Variants in OSGIN1 observed in about 807,000 individuals in gnomAD.
The protein encoded by OSGIN1 is oxidative stress-induced growth inhibitor 1.
OSGIN1 carries 19 observed loss-of-function variants against 20.1 expected under a neutral mutation model. The ratio of observed to expected loss-of-function variants is 0.95; its 90% CI spans 0.66 to 1.39. OSGIN1 has a LOEUF of 1.39. OSGIN1 is among the 40% of genes most tolerant of loss of function. The pLI is 0.00. For missense variants in OSGIN1, 820 were observed against 653.0 expected, an observed-to-expected ratio of 1.26 and a Z score of -2.79; for synonymous variants, 368 against 297.8, an observed-to-expected ratio of 1.24 and a Z score of -2.43.
At chr16:83,965,034 C>T (rs780024907) in intron 5 of OSGIN1, 28 bp from the exon 6 acceptor site, 21 of 1,196,738 alleles carry the variant, frequency 1.8e-5, no homozygotes, top group Non-Finnish European at 2.5e-5. Flanking sequence ...CAGTGTCTGA[C>T]TCTGGCGTCC....
chr16:83,957,525 C>A (rs937400624), intron 1 of OSGIN1, 115 bp from the exon 2 acceptor site: 1 of 660,004 alleles, frequency 1.5e-6, no homozygotes, highest in Admixed American at 2.3e-5. Flanking sequence ...TCATGGGGAC[C>A]CCGGACCAGA....
chr16:83,960,990 G>C lies in OSGIN1; in HGVS notation c.406G>C (p.Gly136Arg). 3 of 1,613,354 alleles carry C rather than the reference G, an allele frequency of 1.9e-6. No individual in the cohort carries two copies. The highest frequency in any genetic ancestry group is 2.5e-6 in the Non-Finnish European group (3 of 1,179,732). The change falls in exon 5 of 6, where the codon GGC becomes CGC. Residue 136 changes from glycine (G) to arginine (R), a missense_variant. Coordinates refer to ENST00000393306, the MANE Select transcript of OSGIN1 (RefSeq NM_182981.3). ...LPGGAWHSIE[G>R]SMVILSQGQW... ...GTTCCTTTCCCTGCAGTCCATCGAA[G>C]GCTCCATGGTGATCCTGAGCCAAGG...
Position 83,959,360 on chromosome 16 carries a change from G to T in OSGIN1, c.168G>T (p.Lys56Asn). ...AIHPHPLLQR[K>N]LTEAPGVSIL... ...ACCCACACCCCCTGCTGCAGAGGAA[G>T]CTCACCGAGGCCCCGGGGGTCTCCA... The change falls in exon 3 of 6, where the codon AAG becomes AAT. Residue 56 changes from lysine (K) to asparagine (N), a missense_variant. Coordinates refer to ENST00000393306, the MANE Select transcript of OSGIN1 (RefSeq NM_182981.3). 1 of 1,613,856 alleles carries T rather than the reference G, an allele frequency of 6.2e-7. No homozygotes were observed.
At chr16:83,958,672 T>C (rs1310561057) in intron 2 of OSGIN1, among the ~76,000 whole-genome samples, 2 of 152,152 alleles carry the variant, frequency 1.3e-5, no homozygotes, top group Non-Finnish European at 2.9e-5. Flanking sequence ...GCCTGGTGAA[T>C]CGCCCAGGAA....
intron 2 of OSGIN1, among the ~76,000 whole-genome samples, chr16:83,958,181 C>T (rs140543329): frequency 1.6e-3 from 248 of 152,322 alleles, no homozygotes; most frequent in African/African-American, 5.7e-3. Context: ...CTGGCCCAGG[C>T]CTGGCCTCTT....
intron 1 of OSGIN1, among the ~76,000 whole-genome samples, chr16:83,955,731 T>C (rs1908894959): frequency 6.6e-6 from 1 of 152,130 alleles, no homozygotes; most frequent in African/African-American, 2.4e-5. Context: ...GGTGGCAGCG[T>C]CCCCCTGAAA....
chr16:83,958,329 C>T (rs773786551), intron 2 of OSGIN1, among the ~76,000 whole-genome samples: 2 of 152,180 alleles, frequency 1.3e-5, no homozygotes, highest in African/African-American at 2.4e-5. Flanking sequence ...GGAGGCGACC[C>T]GGCGTGGCGC....
At chr16:83,956,927 C>T (rs574474930) in intron 1 of OSGIN1, 1 of 152,404 alleles carries the variant, frequency 6.6e-6, no homozygotes, top group East Asian at 1.9e-4. Flanking sequence ...GGCCTGCGGC[C>T]AGCAGAGGGC....
chr16:83,962,409 T>C (rs1026887828), intron 5 of OSGIN1, among the ~76,000 whole-genome samples: 2 of 152,074 alleles, frequency 1.3e-5, no homozygotes, highest in African/African-American at 4.8e-5. Flanking sequence ...CGGCTAATTA[T>C]TTTTTGTATT....
intron 1 of OSGIN1, 27 bp downstream of exon 1, chr16:83,953,397 G>T (rs768355674): frequency 7.8e-7 from 1 of 1,288,234 alleles, no homozygotes; most frequent in Non-Finnish European, 1.0e-6. Flanking sequence ...AGGTTCCGGG[G>T]CAGGGAATCA....
At position 83,965,394 on chromosome 16, in the gene OSGIN1, C is replaced by A. The variant is rs750515212; in HGVS notation, c.821C>A (p.Ala274Asp). 6.4e-7 allele frequency: 1 copy of A among 1,574,768 alleles called. No individual in the cohort carries two copies. The highest frequency in any genetic ancestry group is 8.6e-7 in the Non-Finnish European group (1 of 1,163,380). The change falls in exon 6 of 6, where the codon GCC (alanine) becomes GAC (aspartate). Residue 274 changes from alanine to aspartate, a missense_variant. Coordinates refer to ENST00000393306, the MANE Select transcript of OSGIN1 (RefSeq NM_182981.3). ...FIHHELSALEAATRVGAVTPA... is the reference protein window; with the variant it reads ...FIHHELSALEDATRVGAVTPA... ...CACCATGAGCTGTCTGCCCTGGAGGCCGCCACAAGGGTGGGTGCGGTGACC... is the reference window on the plus strand; with the variant it reads ...CACCATGAGCTGTCTGCCCTGGAGGACGCCACAAGGGTGGGTGCGGTGACC...
At chr16:83,963,559 A>G (rs2084240852) in intron 5 of OSGIN1, among the ~76,000 whole-genome samples, 1 of 152,198 alleles carries the variant, frequency 6.6e-6, no homozygotes. Context: ...AACTCTGCAC[A>G]GAACATGCTC....
In OSGIN1 at chr16:83,965,489, C is replaced by T. The variant is rs761233616; in HGVS notation, c.916C>T (p.His306Tyr). The change falls in exon 6 of 6, where the codon CAC (histidine) becomes TAC (tyrosine). Residue 306 changes from histidine (H) to tyrosine (Y), a missense_variant. Coordinates refer to ENST00000393306, the MANE Select transcript of OSGIN1 (RefSeq NM_182981.3). ...SAADAVLYAR[H>Y]YNIPVIHAFR... The stretch of plus-strand genomic sequence containing the variant: ...GGCCGACGCGGTCCTCTACGCCCGC[C>T]ACTACAACATCCCGGTGATCCATGC... 1.2e-6 allele frequency: 2 copies of T among 1,610,924 alleles called. No homozygotes were observed. Among genetic ancestry groups the T allele is most frequent in the Admixed American group, 1.7e-5 (1 of 60,008 alleles).
chr16:83,961,524 T>G (rs1314762672), intron 5 of OSGIN1, among the ~76,000 whole-genome samples: 1 of 152,090 alleles, frequency 6.6e-6, no homozygotes, highest in Non-Finnish European at 1.5e-5. Flanking sequence ...TCAGCTTGAC[T>G]TTTCCCTTTA....
At chr16:83,957,579 G>A in intron 1 of OSGIN1, 61 bp from the exon 2 acceptor site, 1 of 854,000 alleles carries the variant, frequency 1.2e-6, no homozygotes, top group Non-Finnish European at 1.9e-6. Context: ...AGGTGAAGTG[G>A]CTGTGTGGAC....
chr16:83,957,314 A>G (rs1908977179), intron 1 of OSGIN1, among the ~76,000 whole-genome samples: 1 of 152,098 alleles, frequency 6.6e-6, no homozygotes, highest in African/African-American at 2.4e-5. Context: ...TCTCGGGAAG[A>G]CAGATAATGA....
In OSGIN1 at chr16:83,959,333, C is replaced by G; in HGVS notation, c.141C>G (p.Ile47Met). ...CACCCTACACGAAGCCAGATGCCAT[C>G]CACCCACACCCCCTGCTGCAGAGGA... ...GYTPYTKPDA[I>M]HPHPLLQRKL... Residue 47 changes from isoleucine to methionine, a missense_variant, in exon 3 of 6, where the codon ATC (isoleucine) becomes ATG (methionine). Ile to Met is a conservative substitution (Grantham distance 10). Transcript: ENST00000393306. 1 of 1,613,860 alleles carries G rather than the reference C, an allele frequency of 6.2e-7. No individual in the cohort carries two copies. Among genetic ancestry groups the G allele is most frequent in the Non-Finnish European group, 8.5e-7 (1 of 1,179,978 alleles).
intron 1 of OSGIN1, chr16:83,954,220 T>C (rs1292317878): frequency 1.3e-5 from 2 of 152,328 alleles, no homozygotes; most frequent in East Asian, 3.9e-4. Flanking sequence ...AAGGAGTAAA[T>C]GGCCACTAGA....
At position 83,966,173 on chromosome 16, in the gene OSGIN1, C is replaced by A; in HGVS notation, c.*166C>A. The A allele has an allele frequency of 1.6e-6, 1 of 621,960 alleles. No individual in the cohort carries two copies. Among genetic ancestry groups the A allele is most frequent in the Non-Finnish European group, 2.8e-6 (1 of 363,012 alleles). The allele number at this position is 621,960 out of a possible 1,614,324, so 38.5% of individuals were successfully genotyped here. A position where few individuals can be genotyped will look rare whatever the true frequency, so the allele number is the denominator to read the frequency against. On this transcript the variant is annotated 3_prime_UTR_variant, in exon 6 of 6. Coordinates refer to ENST00000393306, the MANE Select transcript of OSGIN1 (RefSeq NM_182981.3). Reference sequence around the variant, plus strand: ...GATCCCAGGCTGCCCTGGACTTAGACCAGTGTCTGAGGTGGTAACAGCGGC... The same window carrying A: ...GATCCCAGGCTGCCCTGGACTTAGAACAGTGTCTGAGGTGGTAACAGCGGC...
Sources: gnomAD v4.1 joint callset for allele counts (sites outside exome capture counted in the v4.1 genomes callset) on GRCh38, gnomAD v4.1.1 for gene constraint, MANE v1.5 for transcripts, NCBI Gene and HGNC (gene_info 2026-07-23, HGNC 2026-07-21) for gene names.